Variants in FAM193B observed in about 807,000 individuals in gnomAD.
FAM193B encodes protein FAM193B.
In FAM193B, 27 loss-of-function variants were observed where a neutral mutation model predicts 70.7. The ratio of observed to expected loss-of-function variants is 0.38; its 90% CI spans 0.28 to 0.53. FAM193B has a LOEUF of 0.53. Among genes scored for constraint, FAM193B ranks in the 20% least tolerant of loss-of-function variants. The pLI is 0.81. For synonymous variants in FAM193B, 448 were observed against 436.0 expected, an observed-to-expected ratio of 1.03 and a Z score of -0.34; for missense variants, 1,022 against 1,072.5, an observed-to-expected ratio of 0.95 and a Z score of 0.66.
Position 177,539,162 on chromosome 5 carries a change from GA to G in FAM193B, c.211-16del, listed in dbSNP as rs776233315. The G allele has an allele frequency of 9.8e-6, 15 of 1,537,234 alleles. No homozygotes were observed. The highest frequency in any genetic ancestry group is 1.3e-5 in the Non-Finnish European group (15 of 1,138,996). ...GCGGGGGGGACCTGTCCAACAGACA[GA>G]AACAGGGTTTCCCAGGAGGGGAAAG... On this transcript the variant is annotated splice_polypyrimidine_tract_variant and intron_variant, in intron 1 of 8. Coordinates refer to ENST00000514747, the MANE Select transcript of FAM193B (RefSeq NM_001190946.3).
At chr5:177,531,303 G>C (rs1300861443) in intron 5 of FAM193B, 1 of 1,341,326 alleles carries the variant, frequency 7.5e-7, no homozygotes, top group African/African-American at 1.5e-5. Flanking sequence ...GCTTGTGCCG[G>C]GCCCGCTTGG....
chr5:177,539,790 C>G (rs1233858122), intron 1 of FAM193B, among the ~76,000 whole-genome samples: 1 of 152,178 alleles, frequency 6.6e-6, no homozygotes, highest in Non-Finnish European at 1.5e-5. Context: ...TGAAATCAAA[C>G]AGATATGCAT....
At chr5:177,540,261 C>T (rs537003429) in intron 1 of FAM193B, among the ~76,000 whole-genome samples, 4 of 148,086 alleles carry the variant, frequency 2.7e-5, no homozygotes, top group South Asian at 2.1e-4. Context: ...GAGCCAAGAT[C>T]GCGCCACTGC....
chr5:177,552,961 C>T (rs1354957759), intron 1 of FAM193B, among the ~76,000 whole-genome samples: 1 of 152,298 alleles, frequency 6.6e-6, no homozygotes, highest in East Asian at 1.9e-4. Flanking sequence ...CGTGGAAGAT[C>T]AGAGAAAGAT....
intron 3 of FAM193B, among the ~76,000 whole-genome samples, chr5:177,537,439 C>A (rs1009455516): frequency 1.3e-5 from 2 of 152,224 alleles, no homozygotes; most frequent in African/African-American, 4.8e-5. Flanking sequence ...ACGGCTTACA[C>A]TGCCAATCTC....
At position 177,536,661 on chromosome 5, in the gene FAM193B, G is replaced by C; in HGVS notation, c.773C>G (p.Pro258Arg). The C allele has an allele frequency of 6.4e-7, 1 of 1,562,906 alleles. No homozygotes were observed. The highest frequency in any genetic ancestry group is 8.6e-7 in the Non-Finnish European group (1 of 1,159,798). ...PNSPTGHHPQ[P>R]ASLIPSHPSS... Reference sequence around the variant, plus strand: ...GGGGTGAGACGGGATTAGAGATGCTGGCTGCGGGTGGTGGCCGGTGGGGCT... The same window carrying C: ...GGGGTGAGACGGGATTAGAGATGCTCGCTGCGGGTGGTGGCCGGTGGGGCT... The change falls in exon 4 of 9, where the codon CCA becomes CGA. Residue 258 changes from proline (P) to arginine (R), a missense_variant. Pro to Arg is a moderately radical substitution (Grantham distance 103). Coordinates refer to ENST00000514747, the MANE Select transcript of FAM193B (RefSeq NM_001190946.3).
chr5:177,536,209 G>A, intron 4 of FAM193B, 149 bp downstream of exon 4: 1 of 923,594 alleles, frequency 1.1e-6, no homozygotes, highest in Non-Finnish European at 1.6e-6. Context: ...CACTGTGCCA[G>A]GCCAAAACAC....
At chr5:177,550,751 G>A (rs1255580349) in intron 1 of FAM193B, among the ~76,000 whole-genome samples, 1 of 152,200 alleles carries the variant, frequency 6.6e-6, no homozygotes, top group Non-Finnish European at 1.5e-5. Context: ...ATGGCCACCT[G>A]GCACAGCTCC....
rs335446 is a variant in FAM193B, at chr5:177,525,918, C to A, written c.1276-713G>T. On this transcript the variant is annotated intron_variant, in intron 5 of 8. Coordinates refer to ENST00000514747, the MANE Select transcript of FAM193B (RefSeq NM_001190946.3). ...ATCAAAATGAAAGTCTGTGGGATCTCAGTCACCCCAACCTCTCCATCCCAC... is the reference window on the plus strand; with the variant it reads ...ATCAAAATGAAAGTCTGTGGGATCTAAGTCACCCCAACCTCTCCATCCCAC... Among the ~76,000 whole-genome samples, 246 of 152,284 alleles carry A rather than the reference C, an allele frequency of 1.6e-3. 2 individuals carry two copies. The highest frequency in any genetic ancestry group is 5.5e-3 in the African/African-American group (227 of 41,522).
chr5:177,539,256 G>T, intron 1 of FAM193B, 109 bp from the exon 2 acceptor site: 2 of 1,323,590 alleles, frequency 1.5e-6, no homozygotes, highest in Non-Finnish European at 1.0e-6. Flanking sequence ...ACTGGGTTAG[G>T]CACTTTTTAG....
Position 177,521,960 on chromosome 5 carries a change from T to C in FAM193B, c.*1+14A>G. The C allele has an allele frequency of 6.2e-7, 1 of 1,607,872 alleles. No homozygotes were observed. Among genetic ancestry groups the C allele is most frequent in the Non-Finnish European group, 8.5e-7 (1 of 1,174,394 alleles). On this transcript the variant is annotated intron_variant, in intron 8 of 8. Coordinates refer to ENST00000514747, the MANE Select transcript of FAM193B (RefSeq NM_001190946.3). ...AGGGAGAGGCAGTGGATGTAACTCT[T>C]GGGGTCTCTGTACCTCACTGAGCTG...
Position 177,524,195 on chromosome 5 carries a change from G to A in FAM193B, c.2286C>T (p.Ala762=), listed in dbSNP as rs760332393. 10 of 1,560,834 alleles carry A rather than the reference G, an allele frequency of 6.4e-6. No homozygotes were observed. In the East Asian group the frequency reaches 1.4e-4, roughly 21 times the overall value. ...RRSRNKQEKP[A]SSLDDVFLPK... ...TCCTGGTGCACTCACCCAAGGAGGA[G>A]GCTGGCTTCTCCTGCTTGTTGCGGC... The change falls in exon 6 of 9, where the codon GCC becomes GCT. Residue 762 remains alanine (A), a synonymous_variant. Coordinates refer to ENST00000514747, the MANE Select transcript of FAM193B (RefSeq NM_001190946.3).
chr5:177,529,263 A>G (rs1477651674), intron 5 of FAM193B, among the ~76,000 whole-genome samples: 1 of 151,208 alleles, frequency 6.6e-6, no homozygotes, highest in African/African-American at 2.4e-5. Context: ...TGAGAGTGTC[A>G]CGGGCTGGCA....
intron 1 of FAM193B, among the ~76,000 whole-genome samples, chr5:177,549,687 C>T (rs1466867025): frequency 6.6e-6 from 1 of 152,252 alleles, no homozygotes; most frequent in Non-Finnish European, 1.5e-5. Context: ...GTCTGATTCA[C>T]TTCTGCATGC....
chr5:177,554,529 C>T lies in FAM193B; in HGVS notation c.-71G>A, dbSNP rs1451917252. On this transcript the variant is annotated 5_prime_UTR_variant, in exon 1 of 9. Coordinates refer to ENST00000514747, the MANE Select transcript of FAM193B (RefSeq NM_001190946.3). The stretch of plus-strand genomic sequence containing the variant: ...CCGCCGCCGCCGCCGCCGCCGCCGC[C>T]GCTACCGCTCCCCTCACAGGACAAC... The T allele has an allele frequency of 5.5e-6, 5 of 906,812 alleles. No homozygotes were observed. The highest frequency in any genetic ancestry group is 1.8e-5 in the African/African-American group (1 of 55,196). 56.2% of individuals were successfully genotyped at this position (906,812 alleles called of 1,614,324 possible).
intron 1 of FAM193B, among the ~76,000 whole-genome samples, chr5:177,542,312 C>G (rs988905025): frequency 2.6e-5 from 4 of 152,206 alleles, no homozygotes; most frequent in African/African-American, 9.7e-5. Flanking sequence ...GTTCTACTTA[C>G]CCTCTCTGTT....
Position 177,536,522 on chromosome 5 carries a change from T to C in FAM193B, c.912A>G (p.Pro304=). 1 of 1,547,138 alleles carries C rather than the reference T, an allele frequency of 6.5e-7. No homozygotes were observed. The highest frequency in any genetic ancestry group is 2.4e-5 in the East Asian group (1 of 42,034). Residue 304 remains proline, a synonymous_variant, in exon 4 of 9, where the codon CCA becomes CCG. Coordinates refer to ENST00000514747, the MANE Select transcript of FAM193B (RefSeq NM_001190946.3). The part of the protein sequence containing the change: ...PVAAATAPHT[P]GPCQSSHLPS... Reference sequence around the variant, plus strand: ...GTAGATGGGAGCTCTGACATGGCCCTGGAGTGTGGGGGGCAGTGGCAGCAG... The same window carrying C: ...GTAGATGGGAGCTCTGACATGGCCCCGGAGTGTGGGGGGCAGTGGCAGCAG...
intron 1 of FAM193B, among the ~76,000 whole-genome samples, chr5:177,540,091 G>A (rs1581909877): frequency 6.6e-6 from 1 of 151,928 alleles, no homozygotes; most frequent in Middle Eastern, 3.4e-3. Flanking sequence ...CGGATCACGA[G>A]GTCAGGAGAT....
intron 5 of FAM193B, among the ~76,000 whole-genome samples, chr5:177,527,379 C>T (rs953536351): frequency 6.6e-6 from 1 of 152,206 alleles, no homozygotes; most frequent in African/African-American, 2.4e-5. Context: ...TGTCCAGCCA[C>T]TGATGGCTTT....
Sources: gnomAD v4.1 joint callset for allele counts (sites outside exome capture counted in the v4.1 genomes callset) on GRCh38, gnomAD v4.1.1 for gene constraint, MANE v1.5 for transcripts, NCBI Gene and HGNC (gene_info 2026-07-23, HGNC 2026-07-21) for gene names.